The following SPTA1 variants were observed in gnomAD, a reference collection of about 807,000 sequenced individuals.
SPTA1 encodes the protein spectrin alpha chain, erythrocytic 1.
In SPTA1, 177 loss-of-function variants were observed where a neutral mutation model predicts 324.7. That is an observed-to-expected ratio of 0.55 (90% CI 0.48 to 0.62). The LOEUF is 0.62. Ranked by LOEUF, SPTA1 falls within the 20% of genes least tolerant of loss-of-function variation. The pLI, the probability that SPTA1 is intolerant of heterozygous loss-of-function variation, is 0.00. For synonymous variants in SPTA1, 1,195 were observed against 1,041.3 expected, an observed-to-expected ratio of 1.15 and a Z score of -2.84; for missense variants, 3,162 against 2,883.6, an observed-to-expected ratio of 1.10 and a Z score of -2.21.
chr1:158,663,316 C>T (rs536281679), intron 16 of SPTA1, among the ~76,000 whole-genome samples: 1 of 152,174 alleles, frequency 6.6e-6, no homozygotes, highest in Admixed American at 6.6e-5. Context: ...TGTATTCTTT[C>T]TCTCTCTTTA....
intron 51 of SPTA1, chr1:158,612,607 C>A: frequency 5.3e-6 from 3 of 565,928 alleles, no homozygotes; most frequent in Non-Finnish European, 9.5e-6. Flanking sequence ...TTTGAATTGA[C>A]TCTCACATTC....
chr1:158,642,570 A>G, intron 32 of SPTA1, 28 bp from the exon 33 acceptor site: 1 of 1,612,666 alleles, frequency 6.2e-7, no homozygotes, highest in Non-Finnish European at 8.5e-7. Flanking sequence ...CAGAAATTAT[A>G]TTATCTTTTT....
chr1:158,648,387 G>T, intron 26 of SPTA1, 122 bp downstream of exon 26: 2 of 1,398,310 alleles, frequency 1.4e-6, no homozygotes, highest in Non-Finnish European at 2.0e-6. Context: ...AATAAATATG[G>T]CACAGAACAG....
At chr1:158,619,445 A>G (rs186191400) in intron 44 of SPTA1, 111 bp from the exon 45 acceptor site, 171 of 1,032,300 alleles carry the variant, frequency 1.7e-4, no homozygotes, top group African/African-American at 1.4e-3. Flanking sequence ...AGTCTAACCT[A>G]TCTTCCACAG....
At position 158,645,572 on chromosome 1, in the gene SPTA1, T is replaced by A; in HGVS notation, c.3919A>T (p.Ser1307Cys). 1 of 1,614,036 alleles carries A rather than the reference T, an allele frequency of 6.2e-7. No homozygotes were observed. Among genetic ancestry groups the A allele is most frequent in the Non-Finnish European group, 8.5e-7 (1 of 1,179,914 alleles). Reference sequence around the variant, plus strand: ...TGTGATGATACCATGCCACCAATGCTACTGATCCAGTTCTGCAGATCCCTA... The same window carrying A: ...TGTGATGATACCATGCCACCAATGCAACTGATCCAGTTCTGCAGATCCCTA... ...KARDLQNWIS[S>C]IGGMVSSQEL... Residue 1307 changes from serine to cysteine, a missense_variant, in exon 28 of 52, where the codon AGC becomes TGC. Ser to Cys is a moderately radical substitution (Grantham distance 112, BLOSUM62 -1). Coordinates refer to ENST00000643759, the MANE Select transcript of SPTA1 (RefSeq NM_003126.4).
chr1:158,635,848 C>T, intron 38 of SPTA1, 65 bp downstream of exon 38: 1 of 1,612,214 alleles, frequency 6.2e-7, no homozygotes, highest in Non-Finnish European at 8.5e-7. Context: ...ACTTAAGTAT[C>T]CTCCCAACAC....
At chr1:158,643,264 A>AT in intron 31 of SPTA1, 58 bp downstream of exon 31, 1 of 1,594,342 alleles carries the variant, frequency 6.3e-7, no homozygotes, top group South Asian at 1.1e-5. Flanking sequence ...CAATGCTAGC[A>AT]AAAAGGTCAG....
chr1:158,633,223 C>G (rs6682458), intron 39 of SPTA1, among the ~76,000 whole-genome samples: 51,765 of 151,986 alleles, frequency 0.34, 9,353 homozygotes, highest in African/African-American at 0.46. Context: ...TGTGATGATG[C>G]TAGCCTTCTG....
At chr1:158,611,763 C>T (rs1026409896) in intron 51 of SPTA1, 33 of 236,494 alleles carry the variant, frequency 1.4e-4, no homozygotes, top group Non-Finnish European at 2.2e-4. Context: ...AGGTAAAATA[C>T]TCAAGAAGGT....
At chr1:158,627,801 C>G in intron 39 of SPTA1, 78 bp from the exon 40 acceptor site, 1 of 1,356,368 alleles carries the variant, frequency 7.4e-7, no homozygotes, top group South Asian at 1.2e-5. Context: ...ACTCACGGGT[C>G]TATTATTCCC....
rs961425322 is a variant in SPTA1 at position 158,620,249 on chromosome 1, C to T, written c.6338G>A (p.Gly2113Asp). ...CCAGGTATAAGGGCTGGAAGGCACA[C>T]CTAAGGCCTTAATCTGCTGGTCTAG... ...LELDQQIKAL[G>D]VPSSPYTWLT... Residue 2113 changes from glycine (G) to aspartate (D), a missense_variant, in exon 44 of 52, where the codon GGT (glycine) becomes GAT (aspartate). Transcript: ENST00000643759. The T allele has an allele frequency of 8.1e-6, 13 of 1,614,004 alleles. No individual in the cohort carries two copies. Among genetic ancestry groups the T allele is most frequent in the African/African-American group, 4.0e-5 (3 of 74,912 alleles).
chr1:158,675,086 C>T (rs1055823753), intron 8 of SPTA1, among the ~76,000 whole-genome samples: 1 of 152,156 alleles, frequency 6.6e-6, no homozygotes, highest in Non-Finnish European at 1.5e-5. Context: ...CTATCTAGCT[C>T]ATCTTTAACC....
intron 10 of SPTA1, among the ~76,000 whole-genome samples, chr1:158,673,026 G>T (rs1252920353): frequency 2.6e-5 from 4 of 152,092 alleles, no homozygotes; most frequent in Admixed American, 6.6e-5. Context: ...GGAGGCTGAG[G>T]CAGGAGAATC....
chr1:158,681,392 T>G (rs1047565466), intron 4 of SPTA1, 135 bp downstream of exon 4: 48 of 1,435,944 alleles, frequency 3.3e-5, no homozygotes, highest in Non-Finnish European at 4.5e-5. Context: ...TGGCCCCAAT[T>G]TCCTCTTGTT....
intron 19 of SPTA1, 47 bp from the exon 20 acceptor site, chr1:158,656,703 C>A: frequency 6.6e-7 from 1 of 1,525,792 alleles, no homozygotes; most frequent in Non-Finnish European, 9.1e-7. Context: ...AGGAGGAACA[C>A]TATTATTTCA....
At chr1:158,613,597 G>T in intron 50 of SPTA1, 124 bp downstream of exon 50, 2 of 1,374,980 alleles carry the variant, frequency 1.5e-6, no homozygotes, top group Admixed American at 3.6e-5. Context: ...ATTCATTTAT[G>T]GTTGCCTATT....
At chr1:158,681,740 A>G in intron 3 of SPTA1, 73 bp from the exon 4 acceptor site, 1 of 1,598,580 alleles carries the variant, frequency 6.3e-7, no homozygotes. Context: ...ACTTGTGCAG[A>G]AAGAGACCTG....
chr1:158,631,516 G>A (rs889554028), intron 39 of SPTA1, among the ~76,000 whole-genome samples: 9 of 152,008 alleles, frequency 5.9e-5, no homozygotes, highest in Non-Finnish European at 1.0e-4. Context: ...CACACTGCTC[G>A]GGTGATAGGT....
chr1:158,680,403 C>T (rs1001955052), intron 5 of SPTA1, among the ~76,000 whole-genome samples, 180 bp downstream of exon 5: 1 of 152,094 alleles, frequency 6.6e-6, no homozygotes, highest in Non-Finnish European at 1.5e-5. Flanking sequence ...TTTCAATAGA[C>T]TTGTAAGGGG....
Sources: allele counts gnomAD v4.1 joint callset (sites outside exome capture counted in the v4.1 genomes callset), GRCh38; gene constraint gnomAD v4.1.1; transcripts MANE v1.5; gene names NCBI Gene and HGNC (gene_info 2026-07-23, HGNC 2026-07-21).